FOXP2: variants seen among roughly 807,000 people sequenced by gnomAD.
FOXP2 encodes forkhead box P2.
A neutral mutation model predicts 115.8 loss-of-function variants in FOXP2; 12 were observed. The observed-to-expected ratio is 0.10, with a 90% CI of 0.07 to 0.17. The LOEUF is 0.17. Ranked by LOEUF, FOXP2 falls within the 10% of genes least tolerant of loss-of-function variation. The pLI, the probability that FOXP2 is intolerant of heterozygous loss-of-function variation, is 1.00. For missense variants in FOXP2, 629 were observed against 843.5 expected (o/e 0.75, Z 3.15); for synonymous variants, 328 against 297.7 (o/e 1.10, Z -1.05).
intron 2 of FOXP2, among the ~76,000 whole-genome samples, chr7:114,401,045 G>T (rs1792877282): frequency 6.6e-6 from 1 of 152,048 alleles, no homozygotes; most frequent in Non-Finnish European, 1.5e-5. Context: ...CATAGGCCAG[G>T]GTGATCAGAC....
At chr7:114,096,240 C>T (rs1799649418) in intron 1 of FOXP2, among the ~76,000 whole-genome samples, 1 of 152,146 alleles carries the variant, frequency 6.6e-6, no homozygotes. Flanking sequence ...TTCAAATACT[C>T]ATACATTTCA....
rs536319899 is a variant in FOXP2 at position 114,683,906 on chromosome 7, C to G, written c.2004-5876C>G. ...GGCTGAAGGGTTTTGGCTTAATCCT[C>G]TTTCAACCCCGTGTCTCAGTTCAGA... On this transcript the variant is annotated intron_variant, in intron 16 of 16. Coordinates refer to ENST00000350908, the MANE Select transcript of FOXP2 (RefSeq NM_014491.4). Among the ~76,000 whole-genome samples the G allele has an allele frequency of 5.0e-4, 6 of 12,080 alleles. No individual in the cohort carries two copies. The East Asian group carries it at 0.061, about 123-fold the overall frequency. 7.9% of individuals were successfully genotyped at this position (12,080 alleles called of 152,430 possible).
At chr7:114,140,313 A>T (rs959402341) in intron 1 of FOXP2, among the ~76,000 whole-genome samples, 3 of 152,110 alleles carry the variant, frequency 2.0e-5, no homozygotes, top group African/African-American at 7.2e-5. Context: ...CAATCCAAGT[A>T]GAGGTGATGC....
Position 114,334,440 on chromosome 7 carries a change from G to T in FOXP2, c.-11+46331G>T, listed in dbSNP as rs142740831. On this transcript the variant is annotated intron_variant, in intron 2 of 17. Transcript: ENST00000634411. ...TAGAGAGAATGATAAATAGAGCAGG[G>T]ATCATTTATAGTGTAAGTTTTCATA... Among the ~76,000 whole-genome samples, 403 of 151,906 alleles carry T rather than the reference G, an allele frequency of 2.7e-3. 2 individuals carry two copies. Among genetic ancestry groups the T allele is most frequent in the South Asian group, 0.018 (86 of 4,816 alleles).
intron 2 of FOXP2, among the ~76,000 whole-genome samples, chr7:114,407,195 T>G (rs1793055593): frequency 6.6e-6 from 1 of 151,986 alleles, no homozygotes. Context: ...CGAAATCATT[T>G]TAACAGTCTG....
rs183234805 is a variant in FOXP2 at position 114,462,091 on chromosome 7, C to A, written c.168+35412C>A. 3.8e-3 allele frequency among the ~76,000 whole-genome samples: 575 copies of A among 151,598 alleles called. 2 individuals carry two copies. Among genetic ancestry groups the A allele is most frequent in the Middle Eastern group, 6.8e-3 (2 of 292 alleles). On this transcript the variant is annotated intron_variant, in intron 2 of 16. Transcript: ENST00000350908. ...GTCAAGAGATCCGAGACCATCCTGA[C>A]CAACATGGCGAAGCCCCCGTCTCTA...
chr7:114,254,067 T>C (rs55677001), intron 1 of FOXP2, among the ~76,000 whole-genome samples: 2 of 152,154 alleles, frequency 1.3e-5, no homozygotes, highest in Non-Finnish European at 2.9e-5. Context: ...AGTTTGGCTG[T>C]ATATGAAATT....
In FOXP2 at chr7:114,139,859, T is replaced by C. The variant is rs142724839; in HGVS notation, c.-246-23085T>C. On this transcript the variant is annotated intron_variant, in intron 1 of 19. Transcript: ENST00000635638. The stretch of plus-strand genomic sequence containing the variant: ...TGGGTGCAGTGGCTCATGCCTGTAA[T>C]CCTAGCACTTTGGGAGGTTGAGGTG... Among the ~76,000 whole-genome samples the C allele has an allele frequency of 3.6e-3, 555 of 152,240 alleles. 5 individuals are homozygous for C. Among genetic ancestry groups the C allele is most frequent in the African/African-American group, 0.013 (530 of 41,534 alleles).
chr7:114,331,734 C>G (rs1374708670), intron 2 of FOXP2, among the ~76,000 whole-genome samples: 2 of 150,952 alleles, frequency 1.3e-5, no homozygotes. Flanking sequence ...GTGGCCCGAT[C>G]TTGGCTTACT....
chr7:114,581,149 GTTTATTTA>G (rs10585289), intron 3 of FOXP2, among the ~76,000 whole-genome samples: 21,835 of 134,826 alleles, frequency 0.16, 1,930 homozygotes, highest in East Asian at 0.3. Flanking sequence ...ATCTTCTTCC[GTTTATTTA>G]TTTATTTATT....
chr7:114,693,503 CT>C lies in FOXP2; in HGVS notation c.*3580del, dbSNP rs1449829183. On this transcript the variant is annotated 3_prime_UTR_variant, in exon 17 of 17. Transcript: ENST00000350908. ...GTATTAACACACATTTGGACAATAG[CT>C]TTATTAAGTCTATAAAGCTATTGAA... 4.4e-6 allele frequency: 2 copies of C among 452,362 alleles called. No individual in the cohort carries two copies. Among genetic ancestry groups the C allele is most frequent in the Non-Finnish European group, 8.9e-6 (2 of 225,966 alleles). The allele number at this position is 452,362 out of a possible 1,614,324, so 28.0% of individuals were successfully genotyped here.
intron 1 of FOXP2, among the ~76,000 whole-genome samples, chr7:114,131,302 G>A (rs6969390): frequency 0.97 from 148,293 of 152,294 alleles, 72,334 homozygotes; most frequent in East Asian, 1. Flanking sequence ...ATTACACTTT[G>A]TTAAGACCAA....
intron 2 of FOXP2, among the ~76,000 whole-genome samples, chr7:114,445,050 C>T (rs1475867191): frequency 6.7e-6 from 1 of 148,308 alleles, no homozygotes; most frequent in Non-Finnish European, 1.5e-5. Flanking sequence ...GAGCCAGTGG[C>T]TTTTTTTTTT....
intron 1 of FOXP2, among the ~76,000 whole-genome samples, chr7:114,269,808 T>C (rs1401837498): frequency 6.6e-6 from 1 of 152,184 alleles, no homozygotes; most frequent in Non-Finnish European, 1.5e-5. Context: ...GTAAAAAGGA[T>C]AAATTTACAA....
In FOXP2 at chr7:114,500,755, A is replaced by G. The variant is rs1004943734; in HGVS notation, c.169-33862A>G. ...TCCTTGTAGTAGAGGTTTTGCTACC[A>G]TAGAGAAAGACAAACAAACAAGCAT... On this transcript the variant is annotated intron_variant, in intron 2 of 16. Coordinates refer to ENST00000350908, the MANE Select transcript of FOXP2 (RefSeq NM_014491.4). 2.6e-5 allele frequency among the ~76,000 whole-genome samples: 4 copies of G among 152,322 alleles called. No homozygotes were observed. In the East Asian group the frequency reaches 5.8e-4, roughly 22 times the overall value.
At chr7:114,167,279 A>G (rs952647347) in intron 1 of FOXP2, among the ~76,000 whole-genome samples, 3 of 152,330 alleles carry the variant, frequency 2.0e-5, no homozygotes, top group Admixed American at 6.5e-5. Flanking sequence ...CCAAACCACA[A>G]AGAGACATGG....
intron 1 of FOXP2, among the ~76,000 whole-genome samples, chr7:114,265,101 T>C (rs1795864193): frequency 6.6e-6 from 1 of 152,206 alleles, no homozygotes; most frequent in Non-Finnish European, 1.5e-5. Flanking sequence ...AATGCAATCA[T>C]GCCTTTCCCA....
At chr7:114,641,189 C>A (rs1352962085) in intron 6 of FOXP2, among the ~76,000 whole-genome samples, 2 of 152,104 alleles carry the variant, frequency 1.3e-5, no homozygotes, top group Non-Finnish European at 2.9e-5. Context: ...ATTGCTTAAT[C>A]ATACCAACTC....
chr7:114,356,297 G>T (rs1343098166), intron 2 of FOXP2, among the ~76,000 whole-genome samples: 2 of 152,102 alleles, frequency 1.3e-5, no homozygotes, highest in Non-Finnish European at 2.9e-5. Flanking sequence ...TGCTACACAG[G>T]TTAGTCTAGT....
Sources: allele counts gnomAD v4.1 joint callset (sites outside exome capture counted in the v4.1 genomes callset), GRCh38; gene constraint gnomAD v4.1.1; transcripts MANE v1.5; gene names NCBI Gene and HGNC (gene_info 2026-07-23, HGNC 2026-07-21).